CERK: variants seen among roughly 807,000 people sequenced by gnomAD.
CERK encodes the protein ceramide kinase.
In CERK, 39 loss-of-function variants were observed where a neutral mutation model predicts 63.4. That is an observed-to-expected ratio of 0.61 (90% CI 0.48 to 0.80). The LOEUF (loss-of-function observed/expected upper bound fraction) is 0.80, where lower values mean the gene tolerates loss of function less well. Among genes scored for constraint, CERK ranks in the 30% least tolerant of loss-of-function variants. The probability of loss-of-function intolerance (pLI) is 0.00; values close to 1 mark genes in which losing one functional copy is unlikely to be tolerated. For synonymous variants in CERK, 302 were observed against 280.0 expected (o/e 1.08, Z -0.78); for missense variants, 670 against 714.1 (o/e 0.94, Z 0.70).
rs146744850 is a variant in CERK, at chr22:46,691,772, C to T, written c.1132G>A (p.Val378Met). 87 of 1,609,090 alleles carry T rather than the reference C, an allele frequency of 5.4e-5. 1 individual carries two copies. The highest frequency in any genetic ancestry group is 2.7e-4 in the African/African-American group (20 of 74,852). ...CCACAGACGACTTGCCACTCCTCCA[C>T]GTCCTCTGAAGCACAAAGAACCACG... Reference protein sequence around the residue: ...ALYGLEAAEDVEEWQVVCGKF... With the variant: ...ALYGLEAAEDMEEWQVVCGKF... The change falls in exon 11 of 13, where the codon GTG becomes ATG. Residue 378 changes from valine to methionine, a missense_variant. By Grantham distance (21) the Val-to-Met change is conservative. Transcript: ENST00000216264.
At chr22:46,723,229 T>A (rs965206509) in intron 1 of CERK, among the ~76,000 whole-genome samples, 2 of 152,238 alleles carry the variant, frequency 1.3e-5, no homozygotes, top group African/African-American at 4.8e-5. Context: ...ACACACAGAT[T>A]AATAAATGGA....
intron 7 of CERK, among the ~76,000 whole-genome samples, chr22:46,700,941 G>A (rs1031498695): frequency 5.3e-5 from 8 of 151,806 alleles, no homozygotes; most frequent in African/African-American, 1.5e-4. Context: ...AACTTGGGAG[G>A]TGGAAGTTGC....
intron 3 of CERK, among the ~76,000 whole-genome samples, chr22:46,719,420 C>T (rs139022773): frequency 6.6e-6 from 1 of 152,132 alleles, no homozygotes; most frequent in Non-Finnish European, 1.5e-5. Context: ...ACCTGTAATC[C>T]CAGCACTCCA....
rs749582611 is a variant in CERK, at chr22:46,701,703, C to T, written c.723G>A (p.Thr241=). ...CCACGGTGGAGTAACACACGCAGTC[C>T]GTTGACCCTGTAAAGGGAAAAAGAA... is the stretch of plus-strand genomic sequence containing the variant. ...LRIGIIPAGS[T]DCVCYSTVGT... is the part of the protein sequence containing the mutation. Residue 241 remains threonine (T), a synonymous_variant, in exon 7 of 13, where the codon ACG becomes ACA. Transcript: ENST00000216264. The T allele has an allele frequency of 4.2e-5, 65 of 1,555,658 alleles. No individual in the cohort carries two copies. Among genetic ancestry groups the T allele is most frequent in the Middle Eastern group, 1.7e-4 (1 of 6,018 alleles).
At chr22:46,703,774 CCCCT>C (rs2082799535) in intron 6 of CERK, among the ~76,000 whole-genome samples, 1 of 152,160 alleles carries the variant, frequency 6.6e-6, no homozygotes, top group Non-Finnish European at 1.5e-5. Flanking sequence ...CAGACGTCAC[CCCCT>C]GCCGAACCAC....
chr22:46,690,308 AC>A, intron 11 of CERK, 108 bp from the exon 12 acceptor site: 1 of 766,334 alleles, frequency 1.3e-6, no homozygotes. Flanking sequence ...CTGGGTGCAC[AC>A]ACGGCCCTTC....
intron 9 of CERK, 74 bp downstream of exon 9, chr22:46,695,136 T>C (rs2082749601): frequency 1.2e-6 from 1 of 802,922 alleles, no homozygotes; most frequent in Non-Finnish European, 2.1e-6. Context: ...AAAATACTTC[T>C]GCATTCACCT....
intron 1 of CERK, among the ~76,000 whole-genome samples, chr22:46,723,986 C>T (rs2082905507): frequency 6.6e-6 from 1 of 152,182 alleles, no homozygotes; most frequent in Non-Finnish European, 1.5e-5. Flanking sequence ...GCATGAGCCA[C>T]CGCGCCTGGC....
chr22:46,721,012 G>C lies in CERK; in HGVS notation c.146C>G (p.Ala49Gly). 6.2e-7 allele frequency: 1 copy of C among 1,604,676 alleles called. No individual in the cohort carries two copies. Among genetic ancestry groups the C allele is most frequent in the Non-Finnish European group, 8.5e-7 (1 of 1,171,596 alleles). Residue 49 changes from alanine (A) to glycine (G), a missense_variant, in exon 2 of 13, where the codon GCC (alanine) becomes GGC (glycine). Physicochemically the swap from Ala to Gly is moderately conservative, Grantham distance 60. Coordinates refer to ENST00000216264, the MANE Select transcript of CERK (RefSeq NM_022766.6). ...GPGAGAPGAD[A>G]CSVPVSEIIA... Reference sequence around the variant, plus strand: ...GATCTCAGATACAGGCACAGAGCAGGCATCTGTAAAAACACCACGTCCTTC... The same window carrying C: ...GATCTCAGATACAGGCACAGAGCAGCCATCTGTAAAAACACCACGTCCTTC...
At chr22:46,727,026 A>G (rs924052935) in intron 1 of CERK, among the ~76,000 whole-genome samples, 5 of 152,170 alleles carry the variant, frequency 3.3e-5, no homozygotes, top group Non-Finnish European at 4.4e-5. Context: ...AAAGGAAGAG[A>G]AAAACTCACC....
In CERK at chr22:46,712,202, C is replaced by G; in HGVS notation, c.471G>C (p.Leu157=). Residue 157 remains leucine (L), a synonymous_variant, in exon 4 of 13, where the codon CTG becomes CTC. Transcript: ENST00000216264. ...CAGTGGTGATGGAGGCTAAGGTGAACAGTGGTGCCACTTTTCTTTCATATA... is the reference window on the plus strand; with the variant it reads ...CAGTGGTGATGGAGGCTAAGGTGAAGAGTGGTGCCACTTTTCTTTCATATA... ...KRIYERKVAP[L]FTLASITTDI... The G allele has an allele frequency of 1.2e-6, 2 of 1,614,186 alleles. No individual in the cohort carries two copies. Among genetic ancestry groups the G allele is most frequent in the Non-Finnish European group, 1.7e-6 (2 of 1,180,000 alleles).
intron 6 of CERK, among the ~76,000 whole-genome samples, chr22:46,705,191 G>A (rs1335945408): frequency 6.6e-6 from 1 of 152,236 alleles, no homozygotes; most frequent in Non-Finnish European, 1.5e-5. Flanking sequence ...TGGAGCCTCT[G>A]AGAGCCACAC....
intron 11 of CERK, 148 bp downstream of exon 11, chr22:46,691,424 G>A: frequency 1.5e-6 from 1 of 654,580 alleles, no homozygotes; most frequent in Non-Finnish European, 2.6e-6. Context: ...TTGTAACCAG[G>A]AGTTTAAAGT....
chr22:46,703,910 C>T (rs1169165875), intron 6 of CERK, among the ~76,000 whole-genome samples: 1 of 151,870 alleles, frequency 6.6e-6, no homozygotes, highest in Non-Finnish European at 1.5e-5. Flanking sequence ...CCCCCAGCTC[C>T]TCCCACCTGC....
intron 3 of CERK, among the ~76,000 whole-genome samples, chr22:46,712,827 C>G (rs1431120939): frequency 4.7e-5 from 7 of 148,720 alleles, no homozygotes; most frequent in Admixed American, 4.2e-4. Context: ...TCCTCAGTCA[C>G]CCCCATTTTC....
chr22:46,691,950 T>C (rs2082733961), intron 10 of CERK, among the ~76,000 whole-genome samples, 173 bp from the exon 11 acceptor site: 1 of 152,094 alleles, frequency 6.6e-6, no homozygotes, highest in Non-Finnish European at 1.5e-5. Context: ...AACTGTCCGC[T>C]CCCCGCAGGA....
chr22:46,716,336 G>A (rs1238160065), intron 3 of CERK, among the ~76,000 whole-genome samples: 2 of 151,700 alleles, frequency 1.3e-5, no homozygotes, highest in Admixed American at 6.6e-5. Flanking sequence ...GATGACAGGT[G>A]TGTGCCACCA....
At chr22:46,715,547 A>G (rs1197773126) in intron 3 of CERK, among the ~76,000 whole-genome samples, 1 of 152,176 alleles carries the variant, frequency 6.6e-6, no homozygotes, top group African/African-American at 2.4e-5. Context: ...TAGGTTGGGC[A>G]CAGTGGTTCG....
In CERK at chr22:46,738,102, AC is replaced by A; in HGVS notation, c.46del (p.Val16Ter). 2 of 1,278,844 alleles carry A rather than the reference AC, an allele frequency of 1.6e-6. No homozygotes were observed. The highest frequency in any genetic ancestry group is 9.9e-7 in the Non-Finnish European group (1 of 1,005,232). The allele number at this position is 1,278,844 out of a possible 1,614,324, so 79.2% of individuals were successfully genotyped here. A position where few individuals can be genotyped will look rare whatever the true frequency, so the allele number is the denominator to read the frequency against. On this transcript the variant is annotated frameshift_variant, in exon 1 of 13. Coordinates refer to ENST00000216264, the MANE Select transcript of CERK (RefSeq NM_022766.6). LOFTEE classifies it high-confidence loss of function. ...GCTCACGGCGCAGCGCTGCTGCTTC[AC>A]CCACAGCACGGATTGCAGCGGCTCC... ...AAEPLQSVLW[V>X]KQQRCAVSLE...
Sources: gnomAD v4.1 joint callset for allele counts (sites outside exome capture counted in the v4.1 genomes callset) on GRCh38, gnomAD v4.1.1 for gene constraint, MANE v1.5 for transcripts, NCBI Gene and HGNC (gene_info 2026-07-23, HGNC 2026-07-21) for gene names.